USP53: variants seen among roughly 807,000 people sequenced by gnomAD.
USP53 encodes ubiquitin carboxyl-terminal hydrolase 53.
USP53 carries 71 observed loss-of-function variants against 94.9 expected under a neutral mutation model. The observed-to-expected ratio is 0.75, with a 90% CI of 0.62 to 0.91. USP53 has a LOEUF of 0.91. Ranked by LOEUF, USP53 falls within the 40% of genes least tolerant of loss-of-function variation. USP53 has a pLI of 0.00. For missense variants in USP53, 1,173 were observed against 1,281.0 expected, an observed-to-expected ratio of 0.92 and a Z score of 1.29; for synonymous variants, 375 against 422.7, an observed-to-expected ratio of 0.89 and a Z score of 1.39.
rs1159529970 is a variant in USP53, at chr4:119,293,719, A to C, written c.*508A>C. On this transcript the variant is annotated 3_prime_UTR_variant, in exon 19 of 19. Transcript: ENST00000692078. ...ACATAGCCTGGTACTTTTTTGTCAA[A>C]GAATTGCTTTATGAAGAAGCACTTT... The C allele has an allele frequency of 6.6e-6, 1 of 152,202 alleles. No individual in the cohort carries two copies. Among genetic ancestry groups the C allele is most frequent in the Non-Finnish European group, 1.5e-5 (1 of 68,064 alleles). 9.4% of individuals were successfully genotyped at this position (152,202 alleles called of 1,614,324 possible).
intron 7 of USP53, among the ~76,000 whole-genome samples, chr4:119,253,988 G>A (rs913308940): frequency 3.9e-5 from 6 of 152,236 alleles, no homozygotes; most frequent in Non-Finnish European, 7.4e-5. Context: ...GCTTAGTTTG[G>A]CTGGATATAA....
intron 3 of USP53, among the ~76,000 whole-genome samples, chr4:119,222,703 G>A (rs62328360): frequency 0.35 from 52,514 of 151,726 alleles, 9,190 homozygotes; most frequent in South Asian, 0.39. Flanking sequence ...ATCCATTGGC[G>A]GACTTAAGAC....
intron 10 of USP53, 35 bp downstream of exon 10, chr4:119,259,960 T>C: frequency 6.7e-7 from 1 of 1,486,070 alleles, no homozygotes; most frequent in Non-Finnish European, 9.1e-7. Context: ...GTATGCTTCT[T>C]GTTTTGTAGA....
rs548842808 is a variant in USP53, at chr4:119,231,619, G to A, written c.-664-3671G>A. Reference sequence around the variant, plus strand: ...GACAGATTTGTTGATTCTCTAGCAGGACTCACAGGGCTCAGCATATAGTTG... The same window carrying A: ...GACAGATTTGTTGATTCTCTAGCAGAACTCACAGGGCTCAGCATATAGTTG... On this transcript the variant is annotated intron_variant, in intron 3 of 18. Coordinates refer to ENST00000692078, the MANE Select transcript of USP53 (RefSeq NM_001371395.1). Among the ~76,000 whole-genome samples the A allele has an allele frequency of 8.5e-5, 13 of 152,226 alleles. No individual in the cohort carries two copies. In the South Asian group the frequency reaches 2.1e-3, roughly 24 times the overall value.
chr4:119,216,552 A>C lies in USP53; in HGVS notation c.-788-998A>C, dbSNP rs1743788058. Among the ~76,000 whole-genome samples, 6 of 152,138 alleles carry C rather than the reference A, an allele frequency of 3.9e-5. No individual in the cohort carries two copies. In the South Asian group the frequency reaches 1.2e-3, roughly 31 times the overall value. ...TTTCTCCTTCTCTCCTTTCTAGTCCAGAAAGGTTTTGTAAATGAATATTTA... is the reference window on the plus strand; with the variant it reads ...TTTCTCCTTCTCTCCTTTCTAGTCCCGAAAGGTTTTGTAAATGAATATTTA... On this transcript the variant is annotated intron_variant, in intron 2 of 18. Coordinates refer to ENST00000692078, the MANE Select transcript of USP53 (RefSeq NM_001371395.1).
intron 17 of USP53, among the ~76,000 whole-genome samples, chr4:119,278,164 G>T (rs1298306588): frequency 4.1e-5 from 6 of 147,564 alleles, no homozygotes; most frequent in Non-Finnish European, 9.0e-5. Context: ...TGGTGATTTT[G>T]CTCGTTAGTT....
intron 3 of USP53, among the ~76,000 whole-genome samples, chr4:119,231,112 G>T (rs1746014431): frequency 6.6e-6 from 1 of 152,140 alleles, no homozygotes; most frequent in African/African-American, 2.4e-5. Context: ...GAGGAACTAG[G>T]AAGAGGTAGA....
chr4:119,213,660 A>ATATATGTGTGTGTGTG, intron 1 of USP53, among the ~76,000 whole-genome samples: 3 of 117,778 alleles, frequency 2.5e-5, no homozygotes, highest in African/African-American at 1.1e-4. Context: ...ATATATATAT[A>ATATATGTGTGTGTGTG]TGTGTGTGTG....
At position 119,286,225 on chromosome 4, in the gene USP53, AAT is replaced by A. The variant is rs143896448; in HGVS notation, c.2252-4929_2252-4928del. Among the ~76,000 whole-genome samples the A allele has an allele frequency of 3.3e-3, 493 of 150,996 alleles. 1 individual carries two copies. The highest frequency in any genetic ancestry group is 0.011 in the African/African-American group (453 of 41,296). On this transcript the variant is annotated intron_variant, in intron 17 of 18. Coordinates refer to ENST00000692078, the MANE Select transcript of USP53 (RefSeq NM_001371395.1). Reference sequence around the variant, plus strand: ...TGCTGTTTAATGTTTAGGGTTTGTAAATATATATATATGTCTATTTTAAACAT... The same window carrying A: ...TGCTGTTTAATGTTTAGGGTTTGTAAATATATATATGTCTATTTTAAACAT...
chr4:119,263,748 G>A (rs929500271), intron 12 of USP53, among the ~76,000 whole-genome samples: 3 of 152,108 alleles, frequency 2.0e-5, no homozygotes, highest in Non-Finnish European at 4.4e-5. Flanking sequence ...CTAGGCTGAA[G>A]GTTGCTCTGG....
In USP53 at chr4:119,248,168, C is replaced by A. The variant is rs1578469106; in HGVS notation, c.238-580C>A. 2.0e-5 allele frequency among the ~76,000 whole-genome samples: 3 copies of A among 152,246 alleles called. 1 individual carries two copies. The South Asian group carries it at 6.2e-4, about 32-fold the overall frequency. On this transcript the variant is annotated intron_variant, in intron 6 of 18. Coordinates refer to ENST00000692078, the MANE Select transcript of USP53 (RefSeq NM_001371395.1). ...GGAAAATTGAAAATCATATTAACAA[C>A]TATAATCTCATATTTCCAGTTTCTT... is the stretch of plus-strand genomic sequence containing the variant.
intron 17 of USP53, among the ~76,000 whole-genome samples, chr4:119,286,378 T>G (rs1754118757): frequency 6.6e-6 from 1 of 151,890 alleles, no homozygotes; most frequent in South Asian, 2.1e-4. Flanking sequence ...TTTTTTTTTC[T>G]GTGTCAAAGC....
At chr4:119,263,807 C>T (rs1223611305) in intron 12 of USP53, among the ~76,000 whole-genome samples, 1 of 152,160 alleles carries the variant, frequency 6.6e-6, no homozygotes, top group African/African-American at 2.4e-5. Flanking sequence ...CACGGGGGCT[C>T]ATGCCTATAA....
Position 119,245,367 on chromosome 4 carries a change from A to T in USP53, c.175A>T (p.Ser59Cys), listed in dbSNP as rs1365393841. 6.2e-7 allele frequency: 1 copy of T among 1,613,906 alleles called. No individual in the cohort carries two copies. Among genetic ancestry groups the T allele is most frequent in the African/African-American group, 1.3e-5 (1 of 75,032 alleles). Residue 59 changes from serine to cysteine, a missense_variant, in exon 6 of 19, where the codon AGC (serine) becomes TGC (cysteine). Ser to Cys is a moderately radical substitution (Grantham distance 112). Transcript: ENST00000692078. ...VLWQLDIFRR[S>C]LRVLTGHVCQ... is the part of the protein sequence containing the mutation. ...ATGGCAATTGGATATATTCCGACGA[A>T]GCTTGCGGGTTTTGACTGGACATGT...
At chr4:119,218,787 G>A (rs567842559) in intron 3 of USP53, 8 of 151,846 alleles carry the variant, frequency 5.3e-5, no homozygotes, top group East Asian at 1.9e-4. Flanking sequence ...GAGTTTTTTT[G>A]TATTACTTCA....
rs1295765818 is a variant in USP53 at position 119,268,436 on chromosome 4, G to A, written c.1288+16G>A. ...AAAGGACCAGGTATGTGTTTAAATT[G>A]TCATTTTTACATAGTTCCAAGTGAG... is the stretch of plus-strand genomic sequence containing the variant. On this transcript the variant is annotated intron_variant, in intron 14 of 18. Coordinates refer to ENST00000692078, the MANE Select transcript of USP53 (RefSeq NM_001371395.1). The A allele has an allele frequency of 6.3e-7, 1 of 1,593,036 alleles. No homozygotes were observed. Among genetic ancestry groups the A allele is most frequent in the South Asian group, 1.1e-5 (1 of 88,248 alleles).
intron 17 of USP53, among the ~76,000 whole-genome samples, chr4:119,282,141 C>T (rs988338566): frequency 1.3e-5 from 2 of 152,108 alleles, no homozygotes; most frequent in Non-Finnish European, 2.9e-5. Flanking sequence ...GTAGATGTAT[C>T]AGAATCTCAT....
rs1755075764 is a variant in USP53, at chr4:119,294,398, G to C, written c.*1187G>C. 1 of 152,032 alleles carries C rather than the reference G, an allele frequency of 6.6e-6. No individual in the cohort carries two copies. The highest frequency in any genetic ancestry group is 1.9e-4 in the East Asian group (1 of 5,196). The allele number at this position is 152,032 out of a possible 1,614,324, so 9.4% of individuals were successfully genotyped here. A position where few individuals can be genotyped will look rare whatever the true frequency, so the allele number is the denominator to read the frequency against. On this transcript the variant is annotated 3_prime_UTR_variant, in exon 19 of 19. Transcript: ENST00000692078. ...TTTTACCCCAACTACTTTTCATGAA[G>C]AGTGCTTTGAAAATTAAAGGAATTT... is the stretch of plus-strand genomic sequence containing the variant.
intron 3 of USP53, among the ~76,000 whole-genome samples, chr4:119,228,390 A>C (rs1202378301): frequency 2.6e-5 from 4 of 152,304 alleles, no homozygotes; most frequent in African/African-American, 9.6e-5. Flanking sequence ...TTTTTCTGTC[A>C]CCAGCCAGAG....
Sources: gnomAD v4.1 joint callset for allele counts (sites outside exome capture counted in the v4.1 genomes callset) on GRCh38, gnomAD v4.1.1 for gene constraint, MANE v1.5 for transcripts, NCBI Gene and HGNC (gene_info 2026-07-23, HGNC 2026-07-21) for gene names.